Variants in XKR6 observed in about 807,000 individuals in gnomAD.
The protein encoded by XKR6 is XK related 6, also known as XK-related protein 6.
In XKR6, 22 loss-of-function variants were observed where a neutral mutation model predicts 56.7. The observed-to-expected ratio is 0.39, with a 90% CI of 0.28 to 0.55. The LOEUF is 0.55. Among genes scored for constraint, XKR6 ranks in the 20% least tolerant of loss-of-function variants. XKR6 has a pLI of 0.66. For missense variants in XKR6, 852 were observed against 889.0 expected (o/e 0.96, Z 0.53); for synonymous variants, 524 against 387.8 (o/e 1.35, Z -4.13).
chr8:10,908,865 C>CT (rs149137556), intron 2 of XKR6, among the ~76,000 whole-genome samples: 6,380 of 152,202 alleles, frequency 0.042, 209 homozygotes, highest in Non-Finnish European at 0.067. Flanking sequence ...GGGTTCCTGA[C>CT]TTTTAAAAAG....
At chr8:11,140,071 C>A (rs540308455) in intron 1 of XKR6, among the ~76,000 whole-genome samples, 3 of 150,066 alleles carry the variant, frequency 2.0e-5, no homozygotes, top group Non-Finnish European at 3.0e-5. Context: ...GACAAGAACA[C>A]GTAAACACAA....
intron 1 of XKR6, among the ~76,000 whole-genome samples, chr8:11,132,183 G>A (rs982181087): frequency 2.0e-5 from 3 of 152,028 alleles, no homozygotes; most frequent in Admixed American, 6.6e-5. Flanking sequence ...TGAAAAGCCT[G>A]ATCTCATAAA....
chr8:10,988,372 C>T (rs748104047), intron 1 of XKR6, among the ~76,000 whole-genome samples: 5 of 152,224 alleles, frequency 3.3e-5, no homozygotes, highest in African/African-American at 4.8e-5. Flanking sequence ...CTGAAATACT[C>T]AGTCATTTTG....
At chr8:11,175,627 G>C (rs1802617817) in intron 1 of XKR6, 1 of 152,172 alleles carries the variant, frequency 6.6e-6, no homozygotes, top group South Asian at 2.1e-4. Context: ...GAATCTGTTT[G>C]CAAAATCTAC....
At chr8:10,981,049 A>G (rs992186070) in intron 1 of XKR6, among the ~76,000 whole-genome samples, 11 of 152,134 alleles carry the variant, frequency 7.2e-5, no homozygotes, top group Non-Finnish European at 1.5e-4. Flanking sequence ...GTAGCTGTAG[A>G]TGCTTTTTCC....
At chr8:11,148,684 C>T (rs1414166675) in intron 1 of XKR6, among the ~76,000 whole-genome samples, 1 of 152,090 alleles carries the variant, frequency 6.6e-6, no homozygotes, top group Non-Finnish European at 1.5e-5. Flanking sequence ...AGGTATTTAT[C>T]GAGGAGAAAT....
At chr8:11,188,099 T>G (rs1803369246) in intron 1 of XKR6, among the ~76,000 whole-genome samples, 1 of 152,200 alleles carries the variant, frequency 6.6e-6, no homozygotes, top group African/African-American at 2.4e-5. Context: ...GGAATGTGTG[T>G]ATCACATTAC....
chr8:10,990,796 T>C (rs1222024275), intron 1 of XKR6, among the ~76,000 whole-genome samples: 1 of 151,946 alleles, frequency 6.6e-6, no homozygotes, highest in Non-Finnish European at 1.5e-5. Context: ...CTTCCCAGGC[T>C]GGTCTCGAAC....
At chr8:11,003,321 C>A (rs1179162330) in intron 1 of XKR6, among the ~76,000 whole-genome samples, 1 of 151,968 alleles carries the variant, frequency 6.6e-6, no homozygotes, top group Non-Finnish European at 1.5e-5. Flanking sequence ...ATCACCACCA[C>A]CACCATCATT....
At chr8:11,194,885 C>T in intron 1 of XKR6, 1 of 496,570 alleles carries the variant, frequency 2.0e-6, no homozygotes, top group Admixed American at 3.7e-5. Flanking sequence ...TTTCTGGATC[C>T]TTCTGGAAAT....
rs544351594 is a variant in XKR6 at position 10,971,524 on chromosome 8, T to C, written c.765-46694A>G. Among the ~76,000 whole-genome samples, 18 of 152,220 alleles carry C rather than the reference T, an allele frequency of 1.2e-4. 1 individual carries two copies. The highest frequency in any genetic ancestry group is 2.6e-4 in the African/African-American group (11 of 41,524). On this transcript the variant is annotated intron_variant, in intron 1 of 2. Coordinates refer to ENST00000416569, the MANE Select transcript of XKR6 (RefSeq NM_173683.4). ...TTTGGAGTTGAGTAGGGATCAATATTCCAGAGGGATCACAGAACATGAAAA... is the reference window on the plus strand; with the variant it reads ...TTTGGAGTTGAGTAGGGATCAATATCCCAGAGGGATCACAGAACATGAAAA...
At chr8:11,073,558 A>C (rs905809838) in intron 1 of XKR6, among the ~76,000 whole-genome samples, 1 of 152,206 alleles carries the variant, frequency 6.6e-6, no homozygotes, top group Non-Finnish European at 1.5e-5. Context: ...CTTTCGCTGT[A>C]ACATATGCAC....
At chr8:11,134,178 C>T (rs565939918) in intron 1 of XKR6, among the ~76,000 whole-genome samples, 1 of 152,266 alleles carries the variant, frequency 6.6e-6, no homozygotes, top group East Asian at 1.9e-4. Flanking sequence ...TCCTTGCCCA[C>T]CCTTACCTTC....
At chr8:11,059,603 G>A (rs1177528264) in intron 1 of XKR6, among the ~76,000 whole-genome samples, 3 of 151,638 alleles carry the variant, frequency 2.0e-5, no homozygotes, top group Non-Finnish European at 4.4e-5. Flanking sequence ...AGTGGAGGAG[G>A]AGCAGGGCGC....
At chr8:10,944,316 G>A (rs994042028) in intron 1 of XKR6, among the ~76,000 whole-genome samples, 4 of 152,184 alleles carry the variant, frequency 2.6e-5, no homozygotes, top group African/African-American at 9.7e-5. Flanking sequence ...ACACAAGAAA[G>A]AACTTAGTGA....
intron 1 of XKR6, among the ~76,000 whole-genome samples, chr8:11,073,444 AGAGT>A (rs1800186101): frequency 2.0e-5 from 3 of 152,234 alleles, no homozygotes; most frequent in South Asian, 4.1e-4. Context: ...CATACAAGGC[AGAGT>A]GAGACATGCC....
At chr8:11,099,093 G>A (rs1375096491) in intron 1 of XKR6, among the ~76,000 whole-genome samples, 1 of 152,072 alleles carries the variant, frequency 6.6e-6, no homozygotes, top group Non-Finnish European at 1.5e-5. Flanking sequence ...GCCCTCCTCT[G>A]TCCAAAAAGC....
chr8:11,122,342 A>G (rs570642627), intron 1 of XKR6, among the ~76,000 whole-genome samples: 1 of 152,236 alleles, frequency 6.6e-6, no homozygotes, highest in Non-Finnish European at 1.5e-5. Flanking sequence ...TACTTTACAG[A>G]TCTCATATTT....
At chr8:11,063,526 A>C (rs1799899082) in intron 1 of XKR6, among the ~76,000 whole-genome samples, 1 of 151,890 alleles carries the variant, frequency 6.6e-6, no homozygotes, top group South Asian at 2.1e-4. Flanking sequence ...CAAAAAAAAA[A>C]AAAAAAAGTC....
Sources: allele counts gnomAD v4.1 joint callset (sites outside exome capture counted in the v4.1 genomes callset), GRCh38; gene constraint gnomAD v4.1.1; transcripts MANE v1.5; gene names NCBI Gene and HGNC (gene_info 2026-07-23, HGNC 2026-07-21).